SLC9D1: variants seen among roughly 807,000 people sequenced by gnomAD.
SLC9D1 encodes putative LAG1-interacting protein.
chr13:113,517,441 G>GA, the SLC9D1 span, among the ~76,000 whole-genome samples: 1 of 152,086 alleles, frequency 6.6e-6, no homozygotes, highest in Non-Finnish European at 1.5e-5. Context: ...TGTTAGCCAG[G>GA]ATGGTCTCGA....
chr13:113,536,808 G>T, the SLC9D1 span, among the ~76,000 whole-genome samples: 1 of 152,214 alleles, frequency 6.6e-6, no homozygotes, highest in African/African-American at 2.4e-5. Flanking sequence ...TGCTTTCACT[G>T]CTGATGAGCC....
At chr13:113,501,727 G>A in the SLC9D1 span, 2 of 1,598,680 alleles carry the variant, frequency 1.3e-6, no homozygotes, top group South Asian at 2.2e-5. Flanking sequence ...TTATACTTCT[G>A]TTTCTTATTT....
chr13:113,498,734 G>T, the SLC9D1 span: 1 of 420,446 alleles, frequency 2.4e-6, no homozygotes, highest in South Asian at 2.9e-5. Context: ...CCGACAGTCA[G>T]TTCCCCTCCT....
chr13:113,496,273 A>G, the SLC9D1 span, among the ~76,000 whole-genome samples: 1 of 152,234 alleles, frequency 6.6e-6, no homozygotes, highest in Non-Finnish European at 1.5e-5. Flanking sequence ...TCTTACTTCT[A>G]GAAGGAGCCA....
At chr13:113,513,967 G>T in the SLC9D1 span, among the ~76,000 whole-genome samples, 1 of 152,200 alleles carries the variant, frequency 6.6e-6, no homozygotes, top group South Asian at 2.1e-4. Flanking sequence ...GGGGCCCACA[G>T]CCCAGACGCT....
the SLC9D1 span, among the ~76,000 whole-genome samples, chr13:113,508,931 TC>T: frequency 2.1e-5 from 3 of 143,446 alleles, no homozygotes; most frequent in African/African-American, 8.2e-5. Flanking sequence ...GGTGGGTGGG[TC>T]CCCCCGGAGC....
At chr13:113,514,543 A>G in the SLC9D1 span, 61 of 118,906 alleles carry the variant, frequency 5.1e-4, 10 homozygotes, top group African/African-American at 2.4e-3. Context: ...CAACAGGAAG[A>G]CATGAGCCTC....
the SLC9D1 span, among the ~76,000 whole-genome samples, chr13:113,531,391 C>G: frequency 5.9e-5 from 9 of 152,274 alleles, no homozygotes; most frequent in African/African-American, 2.2e-4. Context: ...ACAGTCAGAA[C>G]AGCCGTGGAC....
chr13:113,492,771 G>A, the SLC9D1 span, among the ~76,000 whole-genome samples: 16 of 152,128 alleles, frequency 1.1e-4, no homozygotes, highest in South Asian at 4.1e-4. Flanking sequence ...GGTGGCGAGC[G>A]CCTGTAATTC....
the SLC9D1 span, among the ~76,000 whole-genome samples, chr13:113,536,846 G>T: frequency 6.6e-6 from 1 of 152,232 alleles, no homozygotes. Context: ...AGGTAGGGTT[G>T]CAGGGCCACA....
chr13:113,511,820 C>T, the SLC9D1 span: 3,607 of 152,432 alleles, frequency 0.024, 90 homozygotes, highest in East Asian at 0.11. Context: ...AAAGAGCTGA[C>T]GGACTCAGCA....
At chr13:113,536,609 A>G in the SLC9D1 span, 2 of 983,818 alleles carry the variant, frequency 2.0e-6, no homozygotes, top group Non-Finnish European at 2.4e-6. Flanking sequence ...CTTCCATTAC[A>G]GTGACTCTGC....
chr13:113,517,541 C>T, the SLC9D1 span, among the ~76,000 whole-genome samples: 1 of 152,088 alleles, frequency 6.6e-6, no homozygotes, highest in Non-Finnish European at 1.5e-5. Context: ...AATGGAATTC[C>T]TGAACGTCCA....
chr13:113,524,638 A>G, the SLC9D1 span, among the ~76,000 whole-genome samples: 6 of 151,588 alleles, frequency 4.0e-5, no homozygotes, highest in Non-Finnish European at 5.9e-5. Flanking sequence ...GCCTGGCCAT[A>G]TTTCTTTTGT....
chr13:113,507,544 T>G, the SLC9D1 span, among the ~76,000 whole-genome samples: 3,839 of 152,256 alleles, frequency 0.025, 97 homozygotes, highest in East Asian at 0.12. Context: ...AGAAACTACT[T>G]GGAACACTGA....
the SLC9D1 span, among the ~76,000 whole-genome samples, chr13:113,530,965 G>A: frequency 6.6e-6 from 1 of 152,204 alleles, no homozygotes; most frequent in African/African-American, 2.4e-5. Flanking sequence ...TTAGAAGCTG[G>A]GTGGTGCCCA....
the SLC9D1 span, among the ~76,000 whole-genome samples, chr13:113,501,548 C>A: frequency 6.6e-6 from 1 of 152,292 alleles, no homozygotes; most frequent in South Asian, 2.1e-4. Context: ...GAAAAACTAA[C>A]TCCATCTATT....
At chr13:113,499,248 T>G in the SLC9D1 span, among the ~76,000 whole-genome samples, 1 of 152,220 alleles carries the variant, frequency 6.6e-6, no homozygotes, top group South Asian at 2.1e-4. Context: ...GCCATCTTGG[T>G]TTTGGTGGGT....
At chr13:113,548,160 T>C in the SLC9D1 span, 12 of 853,220 alleles carry the variant, frequency 1.4e-5, 1 homozygote, top group South Asian at 1.7e-4. Flanking sequence ...GTGTTTGGAG[T>C]GCTTCTGTGC....
Sources: allele counts gnomAD v4.1 joint callset (sites outside exome capture counted in the v4.1 genomes callset), GRCh38; gene constraint gnomAD v4.1.1; transcripts MANE v1.5; gene names NCBI Gene and HGNC (gene_info 2026-07-23, HGNC 2026-07-21).